AQR: variants seen among roughly 807,000 people sequenced by gnomAD.
The protein encoded by AQR is RNA helicase aquarius.
AQR carries 61 observed loss-of-function variants against 180.5 expected under a neutral mutation model. That is an observed-to-expected ratio of 0.34 (90% CI 0.28 to 0.42). AQR has a LOEUF of 0.42. Among genes scored for constraint, AQR ranks in the 10% least tolerant of loss-of-function variants. The pLI is 1.00. For synonymous variants in AQR, 551 were observed against 588.8 expected (o/e 0.94, Z 0.93); for missense variants, 1,281 against 1,798.3 (o/e 0.71, Z 5.20).
At chr15:34,892,345 A>T (rs1411654881) in intron 23 of AQR, among the ~76,000 whole-genome samples, 1 of 152,346 alleles carries the variant, frequency 6.6e-6, no homozygotes, top group South Asian at 2.1e-4. Flanking sequence ...TTAGTCTTTC[A>T]GGAATATTCA....
chr15:34,959,528 T>C (rs1894384244), intron 3 of AQR, among the ~76,000 whole-genome samples: 1 of 152,134 alleles, frequency 6.6e-6, no homozygotes, highest in African/African-American at 2.4e-5. Context: ...TATCTCCATC[T>C]TCATAGCTCT....
intron 33 of AQR, 103 bp downstream of exon 33, chr15:34,862,764 A>C (rs369301834): frequency 1.6e-6 from 2 of 1,258,140 alleles, no homozygotes; most frequent in Non-Finnish European, 2.2e-6. Flanking sequence ...ACAGGGACTA[A>C]ATTATCTATA....
chr15:34,922,316 A>C (rs1893695703), intron 13 of AQR, among the ~76,000 whole-genome samples: 1 of 152,226 alleles, frequency 6.6e-6, no homozygotes, highest in South Asian at 2.1e-4. Flanking sequence ...ATTTTGAATA[A>C]AGCAACTATA....
Position 34,855,542 on chromosome 15 carries a change from T to C in AQR, c.*1250A>G, listed in dbSNP as rs1892576607. 6.6e-6 allele frequency: 1 copy of C among 151,944 alleles called. No homozygotes were observed. The highest frequency in any genetic ancestry group is 2.4e-5 in the African/African-American group (1 of 41,368). 9.4% of individuals were successfully genotyped at this position (151,944 alleles called of 1,614,324 possible). Reference sequence around the variant, plus strand: ...ATATAAACATTTCCTTTTTTTTTTTTTTTTTTCCAGTTCTGGGCACCATGC... The same window carrying C: ...ATATAAACATTTCCTTTTTTTTTTTCTTTTTTCCAGTTCTGGGCACCATGC... On this transcript the variant is annotated 3_prime_UTR_variant, in exon 35 of 35. Transcript: ENST00000156471.
At chr15:34,954,738 C>T (rs1271067306) in intron 3 of AQR, among the ~76,000 whole-genome samples, 2 of 152,032 alleles carry the variant, frequency 1.3e-5, no homozygotes, top group Admixed American at 6.5e-5. Flanking sequence ...CTCTCTGAGA[C>T]AGATAAAGTG....
Position 34,915,026 on chromosome 15 carries a change from C to A in AQR, c.1484+12G>T. On this transcript the variant is annotated intron_variant, in intron 16 of 34. Transcript: ENST00000156471. ...TGCATCTCTTCATTACAGGTGGAAC[C>A]AATTTACTAACCATGGCTTCATTCT... is the stretch of plus-strand genomic sequence containing the variant. 1 of 1,593,152 alleles carries A rather than the reference C, an allele frequency of 6.3e-7. No homozygotes were observed. Among genetic ancestry groups the A allele is most frequent in the Non-Finnish European group, 8.5e-7 (1 of 1,173,660 alleles).
At chr15:34,929,966 C>T (rs1039635906) in intron 12 of AQR, among the ~76,000 whole-genome samples, 1 of 152,180 alleles carries the variant, frequency 6.6e-6, no homozygotes, top group African/African-American at 2.4e-5. Context: ...TGTTGAAATA[C>T]TCTTTAATAA....
chr15:34,961,612 C>CAA (rs1178777471), intron 2 of AQR, among the ~76,000 whole-genome samples: 1,499 of 26,484 alleles, frequency 0.057, 65 homozygotes, highest in African/African-American at 0.081. Flanking sequence ...GACTCCATCT[C>CAA]AAAAAAAAAA....
chr15:34,969,508 A>T (rs1484461885), intron 1 of AQR, 31 bp downstream of exon 1: 1 of 1,612,032 alleles, frequency 6.2e-7, no homozygotes, highest in East Asian at 2.2e-5. Flanking sequence ...GTCCATACCC[A>T]CTCACACACA....
At chr15:34,896,300 A>T (rs769908801) in intron 22 of AQR, among the ~76,000 whole-genome samples, 1 of 152,234 alleles carries the variant, frequency 6.6e-6, no homozygotes, top group Non-Finnish European at 1.5e-5. Flanking sequence ...GTATACAGTC[A>T]TCAAAACATC....
At chr15:34,928,611 C>T (rs1008179698) in intron 12 of AQR, among the ~76,000 whole-genome samples, 4 of 152,036 alleles carry the variant, frequency 2.6e-5, no homozygotes, top group Non-Finnish European at 4.4e-5. Context: ...GGGTTGGTTC[C>T]ATGTCTTTAA....
chr15:34,874,139 T>C (rs530024579), intron 29 of AQR, 140 bp from the exon 30 acceptor site: 4 of 840,182 alleles, frequency 4.8e-6, no homozygotes, highest in South Asian at 3.1e-5. Flanking sequence ...TAAGCAATAA[T>C]GCTCTTTCAA....
At chr15:34,925,918 C>T (rs148242165) in intron 13 of AQR, among the ~76,000 whole-genome samples, 2,036 of 152,122 alleles carry the variant, frequency 0.013, 53 homozygotes, top group African/African-American at 0.047. Flanking sequence ...CCTGTAATCC[C>T]GGCACTTTGA....
At chr15:34,947,672 C>T (rs898361186) in intron 5 of AQR, among the ~76,000 whole-genome samples, 1 of 151,902 alleles carries the variant, frequency 6.6e-6, no homozygotes, top group African/African-American at 2.4e-5. Context: ...ACAGGCCTCG[C>T]TCTGTTACCC....
At chr15:34,940,466 G>A (rs1213457333) in intron 8 of AQR, among the ~76,000 whole-genome samples, 1 of 152,158 alleles carries the variant, frequency 6.6e-6, no homozygotes, top group African/African-American at 2.4e-5. Flanking sequence ...GGAGGCAGAG[G>A]TTGCAGTGAG....
At chr15:34,898,034 G>A (rs1595790335) in intron 20 of AQR, among the ~76,000 whole-genome samples, 2 of 152,146 alleles carry the variant, frequency 1.3e-5, no homozygotes, top group South Asian at 4.1e-4. Context: ...GGGACAGATG[G>A]CATCTAAGAT....
At chr15:34,956,640 T>C (rs12593603) in intron 3 of AQR, among the ~76,000 whole-genome samples, 91,099 of 145,136 alleles carry the variant, frequency 0.63, 30,175 homozygotes, top group South Asian at 0.75. Flanking sequence ...GCAATAAGGG[T>C]GAAACTCCAT....
At chr15:34,917,018 T>G (rs2140484488) in intron 15 of AQR, among the ~76,000 whole-genome samples, 1 of 152,330 alleles carries the variant, frequency 6.6e-6, no homozygotes, top group South Asian at 2.1e-4. Flanking sequence ...TGCCCTTTCC[T>G]GGTTACAGCT....
chr15:34,918,043 G>A (rs923243989), intron 15 of AQR, among the ~76,000 whole-genome samples: 2 of 151,982 alleles, frequency 1.3e-5, no homozygotes, highest in African/African-American at 4.8e-5. Flanking sequence ...TTTTTTACAG[G>A]GTGATATGTG....
Sources: gnomAD v4.1 joint callset for allele counts (sites outside exome capture counted in the v4.1 genomes callset) on GRCh38, gnomAD v4.1.1 for gene constraint, MANE v1.5 for transcripts, NCBI Gene and HGNC (gene_info 2026-07-23, HGNC 2026-07-21) for gene names.